Variants in PACSIN2 observed in about 807,000 individuals in gnomAD.
PACSIN2 encodes protein kinase C and casein kinase substrate in neurons protein 2.
A neutral mutation model predicts 63.8 loss-of-function variants in PACSIN2; 25 were observed. The observed-to-expected ratio is 0.39, with a 90% confidence interval of 0.29 to 0.55. The LOEUF (loss-of-function observed/expected upper bound fraction) is 0.55. Ranked by LOEUF, PACSIN2 falls within the 20% of genes least tolerant of loss-of-function variation. The pLI, the probability that PACSIN2 is intolerant of heterozygous loss-of-function variation, is 0.62. For synonymous variants in PACSIN2, 255 were observed against 256.2 expected (o/e 1.00, Z 0.05); for missense variants, 518 against 646.9 (o/e 0.80, Z 2.16).
chr22:42,902,027 A>G, intron 2 of PACSIN2, among the ~76,000 whole-genome samples: 1 of 152,230 alleles, frequency 6.6e-6, no homozygotes, highest in East Asian at 1.9e-4. Flanking sequence ...AGCGTCTGGC[A>G]ACACTCTCTT....
intron 1 of PACSIN2, among the ~76,000 whole-genome samples, chr22:42,973,253 A>G (rs1921456109): frequency 6.6e-6 from 1 of 152,270 alleles, no homozygotes; most frequent in African/African-American, 2.4e-5. Flanking sequence ...CACTGTAAAA[A>G]GTATTTCCAG....
At chr22:42,872,849 G>A (rs2146618760) in intron 10 of PACSIN2, among the ~76,000 whole-genome samples, 1 of 152,394 alleles carries the variant, frequency 6.6e-6, no homozygotes, top group Non-Finnish European at 1.5e-5. Flanking sequence ...GGCATCAGGA[G>A]CAGATGCAGG....
intron 1 of PACSIN2, among the ~76,000 whole-genome samples, chr22:43,010,428 G>C (rs1340476805): frequency 9.5e-6 from 1 of 105,250 alleles, no homozygotes; most frequent in Admixed American, 1.0e-4. Flanking sequence ...AAAAAAGACC[G>C]GCCAGGCACG....
chr22:42,952,665 TTA>T (rs1933749356), intron 1 of PACSIN2, among the ~76,000 whole-genome samples: 2 of 149,140 alleles, frequency 1.3e-5, no homozygotes, highest in African/African-American at 5.1e-5. Flanking sequence ...GCCTATTTAT[TTA>T]TTTTTTTTTT....
At chr22:42,930,305 C>T (rs957765454) in intron 1 of PACSIN2, among the ~76,000 whole-genome samples, 10 of 152,316 alleles carry the variant, frequency 6.6e-5, no homozygotes, top group Admixed American at 1.3e-4. Context: ...GCTACCTGTG[C>T]TCTCTGCCCC....
At chr22:42,919,533 G>C (rs887206665) in intron 1 of PACSIN2, among the ~76,000 whole-genome samples, 2 of 152,052 alleles carry the variant, frequency 1.3e-5, no homozygotes, top group Admixed American at 1.3e-4. Flanking sequence ...CCAGCACTTC[G>C]GGAGGCTGAG....
chr22:42,888,182 C>A (rs1249843510), intron 5 of PACSIN2, among the ~76,000 whole-genome samples: 1 of 152,184 alleles, frequency 6.6e-6, no homozygotes, highest in East Asian at 1.9e-4. Context: ...ATCCTAAGCT[C>A]CTTACTCAGC....
chr22:42,883,917 C>T (rs1386984758), intron 6 of PACSIN2, among the ~76,000 whole-genome samples: 4 of 152,056 alleles, frequency 2.6e-5, no homozygotes, highest in Non-Finnish European at 5.9e-5. Context: ...GGCAGGAGAA[C>T]TGCTTGAAAC....
chr22:43,007,580 A>G (rs1924176610), intron 1 of PACSIN2, among the ~76,000 whole-genome samples: 1 of 152,150 alleles, frequency 6.6e-6, no homozygotes, highest in Non-Finnish European at 1.5e-5. Flanking sequence ...CCCCACCTGG[A>G]GAGCACCTGT....
chr22:42,935,894 T>C (rs1328775752), intron 1 of PACSIN2, among the ~76,000 whole-genome samples: 3 of 152,138 alleles, frequency 2.0e-5, no homozygotes, highest in African/African-American at 7.2e-5. Context: ...AGGTACATTC[T>C]ATCACTTCAT....
chr22:42,923,986 G>A (rs565846366), intron 1 of PACSIN2, among the ~76,000 whole-genome samples: 1 of 151,998 alleles, frequency 6.6e-6, no homozygotes, highest in East Asian at 1.9e-4. Context: ...AGGCAGCAGT[G>A]AGTTACGATT....
intron 1 of PACSIN2, among the ~76,000 whole-genome samples, chr22:42,966,353 G>C (rs558808921): frequency 1.8e-3 from 266 of 148,792 alleles, no homozygotes; most frequent in Non-Finnish European, 3.4e-3. Context: ...GACAGAGTGA[G>C]ACTGCATCTA....
chr22:42,982,880 A>AAAAAC (rs1569350259), intron 1 of PACSIN2, among the ~76,000 whole-genome samples: 2 of 134,012 alleles, frequency 1.5e-5, no homozygotes, highest in East Asian at 4.5e-4. Flanking sequence ...AAAAAAAAAA[A>AAAAAC]AAAAAAAAAA....
intron 1 of PACSIN2, among the ~76,000 whole-genome samples, chr22:42,987,493 C>CACACACA (rs1569355103): frequency 6.6e-5 from 6 of 91,362 alleles, no homozygotes; most frequent in Admixed American, 1.2e-4. Context: ...CACACACACA[C>CACACACA]CCATGGCACC....
chr22:42,907,490 G>A (rs2146710985), intron 2 of PACSIN2, among the ~76,000 whole-genome samples: 1 of 152,366 alleles, frequency 6.6e-6, no homozygotes, highest in Admixed American at 6.5e-5. Context: ...TGAGCACGGT[G>A]GGGTGATAAT....
chr22:42,971,414 T>C (rs1921258829), intron 1 of PACSIN2, among the ~76,000 whole-genome samples: 1 of 152,168 alleles, frequency 6.6e-6, no homozygotes, highest in African/African-American at 2.4e-5. Context: ...TGGAGTGCAG[T>C]GGCGTGATCT....
chr22:42,888,007 T>C (rs1929619133), intron 5 of PACSIN2, among the ~76,000 whole-genome samples: 1 of 150,216 alleles, frequency 6.7e-6, no homozygotes. Context: ...CCCACCTGGC[T>C]CCCCCAGACA....
chr22:42,935,099 T>G (rs2092213), intron 1 of PACSIN2, among the ~76,000 whole-genome samples: 81,541 of 145,974 alleles, frequency 0.56, 22,875 homozygotes, highest in East Asian at 0.77. Flanking sequence ...TTTTTTTTTT[T>G]TATTTTCAGT....
chr22:42,948,452 T>A (rs193033063), intron 1 of PACSIN2, among the ~76,000 whole-genome samples: 1 of 152,298 alleles, frequency 6.6e-6, no homozygotes, highest in Admixed American at 6.5e-5. Context: ...ACCAGTACTA[T>A]AAATATGTGC....
Sources: gnomAD v4.1 joint callset for allele counts (sites outside exome capture counted in the v4.1 genomes callset) on GRCh38, gnomAD v4.1.1 for gene constraint, MANE v1.5 for transcripts, NCBI Gene and HGNC (gene_info 2026-07-23, HGNC 2026-07-21) for gene names.